NDUFAF6: variants seen among roughly 807,000 people sequenced by gnomAD.
NDUFAF6 encodes the protein NADH:ubiquinone oxidoreductase complex assembly factor 6.
Under a neutral mutation model 40.8 loss-of-function variants are expected in NDUFAF6, and 45 were observed. The ratio of observed to expected loss-of-function variants is 1.10; its 90% CI spans 0.87 to 1.42. NDUFAF6 has a LOEUF of 1.42. Ranked by LOEUF, NDUFAF6 falls within the 40% of genes most tolerant of loss-of-function variation. The probability of loss-of-function intolerance (pLI) is 0.00; values close to 1 mark genes in which losing one functional copy is unlikely to be tolerated. For synonymous variants in NDUFAF6, 185 were observed against 155.9 expected (o/e 1.19, Z -1.39); for missense variants, 435 against 418.5 (o/e 1.04, Z -0.34).
intron 2 of NDUFAF6, among the ~76,000 whole-genome samples, chr8:95,094,705 G>A (rs890544638): frequency 8.7e-5 from 13 of 149,752 alleles, no homozygotes; most frequent in African/African-American, 3.2e-4. Flanking sequence ...GTGGGCCTCT[G>A]CGTCTGGCCT....
At chr8:95,102,960 C>G (rs1809700036) in intron 2 of NDUFAF6, 1 of 152,156 alleles carries the variant, frequency 6.6e-6, no homozygotes, top group African/African-American at 2.4e-5. Context: ...CTTTGCTTTC[C>G]TTTTTTTCTC....
intron 2 of NDUFAF6, among the ~76,000 whole-genome samples, chr8:95,003,688 T>A (rs947494085): frequency 6.6e-6 from 1 of 152,168 alleles, no homozygotes; most frequent in Middle Eastern, 3.2e-3. Context: ...TTCTTAACAT[T>A]CTTATCTCCT....
chr8:95,037,016 A>G (rs1829583203), intron 3 of NDUFAF6, among the ~76,000 whole-genome samples: 1 of 152,158 alleles, frequency 6.6e-6, no homozygotes, highest in African/African-American at 2.4e-5. Flanking sequence ...GAGGAGATTA[A>G]ATAGAGGGAA....
intron 2 of NDUFAF6, chr8:94,949,352 C>T (rs1822345125): frequency 6.6e-6 from 1 of 151,060 alleles, no homozygotes; most frequent in Admixed American, 6.6e-5. Flanking sequence ...AGTCCAAGTC[C>T]TTTTGTTGTT....
intron 1 of NDUFAF6, among the ~76,000 whole-genome samples, chr8:94,904,907 TTTC>T (rs752618093): frequency 3.9e-5 from 6 of 152,136 alleles, no homozygotes; most frequent in East Asian, 1.9e-4. Context: ...GGGTTAAAAT[TTTC>T]TTCTTCTGGC....
At chr8:95,104,854 G>A (rs1809771001), downstream of NDUFAF6, among the ~76,000 whole-genome samples, 1 of 152,144 alleles carries the variant, frequency 6.6e-6, no homozygotes, top group Admixed American at 6.5e-5. Context: ...CATGTGGCCT[G>A]GCTGGGAAAG....
chr8:94,951,362 A>T (rs1264627048), intron 2 of NDUFAF6: 1 of 152,282 alleles, frequency 6.6e-6, no homozygotes, highest in Non-Finnish European at 1.5e-5. Flanking sequence ...AAATGACGGC[A>T]TTGTGAACAA....
chr8:95,088,964 G>A (rs1049529635), intron 2 of NDUFAF6, among the ~76,000 whole-genome samples: 2 of 151,944 alleles, frequency 1.3e-5, no homozygotes, highest in African/African-American at 4.8e-5. Context: ...GTTTCACCAT[G>A]TTGGCCAGGC....
At chr8:94,956,013 C>A (rs764857471), upstream of NDUFAF6, among the ~76,000 whole-genome samples, 1 of 152,146 alleles carries the variant, frequency 6.6e-6, no homozygotes, top group African/African-American at 2.4e-5. Flanking sequence ...AAGTGAGAAG[C>A]AGCTGAATCA....
Position 95,051,392 on chromosome 8 carries a change from T to C in NDUFAF6, c.817-782T>C, listed in dbSNP as rs538698164. 9.2e-5 allele frequency among the ~76,000 whole-genome samples: 14 copies of C among 152,266 alleles called. No individual in the cohort carries two copies. The South Asian group carries it at 2.9e-3, about 32-fold the overall frequency. Reference sequence around the variant, plus strand: ...CTACAGAGAGATTGAAGAGAAAAGATAGATGTGGTGATTAGTAAATCATGG... The same window carrying C: ...CTACAGAGAGATTGAAGAGAAAAGACAGATGTGGTGATTAGTAAATCATGG... On this transcript the variant is annotated intron_variant, in intron 7 of 8. Transcript: ENST00000396124.
chr8:95,025,350 G>A (rs1827976369), intron 1 of NDUFAF6, 145 bp downstream of exon 1: 1 of 828,014 alleles, frequency 1.2e-6, no homozygotes, highest in Non-Finnish European at 1.7e-6. Flanking sequence ...GTGGGCGTCG[G>A]GTGCGGGTGT....
At chr8:95,091,622 A>G (rs1016574188) in intron 2 of NDUFAF6, among the ~76,000 whole-genome samples, 12 of 151,820 alleles carry the variant, frequency 7.9e-5, no homozygotes, top group Admixed American at 3.9e-4. Flanking sequence ...AAGCAGAAGA[A>G]AATAACTCAA....
intron 1 of NDUFAF6, among the ~76,000 whole-genome samples, chr8:94,918,805 C>T (rs1298825995): frequency 6.6e-6 from 1 of 152,212 alleles, no homozygotes; most frequent in Non-Finnish European, 1.5e-5. Flanking sequence ...AACCCATTCC[C>T]TGTGTTTTAC....
chr8:94,932,743 C>T (rs914294416), intron 1 of NDUFAF6, among the ~76,000 whole-genome samples: 4 of 152,130 alleles, frequency 2.6e-5, no homozygotes, highest in African/African-American at 7.2e-5. Flanking sequence ...GCGGAGCTTG[C>T]AGTGAGCCGA....
chr8:95,062,229 AAG>A (rs1832589399), downstream of NDUFAF6, among the ~76,000 whole-genome samples: 1 of 152,026 alleles, frequency 6.6e-6, no homozygotes, highest in African/African-American at 2.4e-5. Flanking sequence ...CTGCCACCCT[AAG>A]AGTTGTGTAA....
intron 4 of NDUFAF6, 85 bp downstream of exon 4, chr8:95,041,711 T>C: frequency 1.8e-6 from 2 of 1,131,662 alleles, no homozygotes; most frequent in Non-Finnish European, 2.7e-6. Flanking sequence ...TTTTTGACTG[T>C]ATATTAATAT....
chr8:95,079,072 T>C (rs989803277), downstream of NDUFAF6, among the ~76,000 whole-genome samples: 1 of 152,112 alleles, frequency 6.6e-6, no homozygotes. Context: ...TCTCCTCTGT[T>C]TAAGAAATTC....
intron 9 of NDUFAF6, chr8:95,066,775 C>A (rs1389621984): frequency 6.6e-6 from 1 of 152,238 alleles, no homozygotes; most frequent in Non-Finnish European, 1.5e-5. Flanking sequence ...TAGCACGCTT[C>A]TGAGCAAAAA....
intron 2 of NDUFAF6, among the ~76,000 whole-genome samples, chr8:95,005,542 TATATATATATAA>T (rs1408754174): frequency 1.7e-4 from 23 of 135,568 alleles, no homozygotes; most frequent in African/African-American, 3.1e-4. Flanking sequence ...TATATATATA[TATATATATATAA>T]AAAATATATT....
Sources: allele counts gnomAD v4.1 joint callset (sites outside exome capture counted in the v4.1 genomes callset), GRCh38; gene constraint gnomAD v4.1.1; transcripts MANE v1.5; gene names NCBI Gene and HGNC (gene_info 2026-07-23, HGNC 2026-07-21).